The following FAM81A variants were observed in gnomAD, a reference collection of about 807,000 sequenced individuals.
FAM81A encodes family with sequence similarity 81 member A.
Under a neutral mutation model 46.7 loss-of-function variants are expected in FAM81A, and 19 were observed. That is an observed-to-expected ratio of 0.41 (90% CI 0.28 to 0.60). The LOEUF (loss-of-function observed/expected upper bound fraction) is 0.60. FAM81A is among the 20% of genes least tolerant of loss of function. The probability of loss-of-function intolerance (pLI) is 0.34; values close to 1 mark genes in which losing one functional copy is unlikely to be tolerated. For synonymous variants in FAM81A, 183 were observed against 152.9 expected (o/e 1.20, Z -1.45); for missense variants, 377 against 453.5 (o/e 0.83, Z 1.53).
Position 59,469,678 on chromosome 15 carries a change from G to C in FAM81A, c.294+9472G>C, listed in dbSNP as rs535593561. On this transcript the variant is annotated intron_variant, in intron 3 of 8. Coordinates refer to ENST00000288228, the MANE Select transcript of FAM81A (RefSeq NM_152450.3). The stretch of plus-strand genomic sequence containing the variant: ...TCTTGACTCTTTATCCAATTTGCCA[G>C]TCTGTGTCTTTTAATTGGGGCATTT... 2.0e-5 allele frequency among the ~76,000 whole-genome samples: 3 copies of C among 152,168 alleles called. No individual in the cohort carries two copies. In the South Asian group the frequency reaches 6.2e-4, roughly 32 times the overall value.
intron 3 of FAM81A, among the ~76,000 whole-genome samples, chr15:59,481,408 ATAAAAG>A (rs1191281124): frequency 6.6e-6 from 1 of 152,022 alleles, no homozygotes; most frequent in African/African-American, 2.4e-5. Flanking sequence ...TTTTCTGGCT[ATAAAAG>A]TAATGTATGT....
In FAM81A at chr15:59,421,235, T is replaced by C. The variant is rs546302776; in HGVS notation, c.-78+18877T>C. Among the ~76,000 whole-genome samples, 3 of 152,296 alleles carry C rather than the reference T, an allele frequency of 2.0e-5. No homozygotes were observed. In the South Asian group the frequency reaches 6.2e-4, roughly 32 times the overall value. ...GCATAGATCACACTTCGACGGGCAA[T>C]GTTCTAGGTAGAATTGGAGCTCAGT... On this transcript the variant is annotated intron_variant, in intron 2 of 4. Coordinates refer to the FAM81A transcript ENST00000558348.
intron 5 of FAM81A, among the ~76,000 whole-genome samples, chr15:59,508,018 T>C (rs1232465323): frequency 6.6e-6 from 1 of 152,234 alleles, no homozygotes; most frequent in African/African-American, 2.4e-5. Context: ...CTGGATTAAA[T>C]ACATTTATAC....
chr15:59,433,666 T>C (rs907286913), upstream of FAM81A, among the ~76,000 whole-genome samples: 14 of 152,298 alleles, frequency 9.2e-5, no homozygotes, highest in Admixed American at 6.5e-4. Flanking sequence ...AAAAGGAATT[T>C]TCTTAATTCT....
chr15:59,521,438 C>T lies in FAM81A; in HGVS notation c.*60C>T. The T allele has an allele frequency of 6.6e-7, 1 of 1,523,628 alleles. No homozygotes were observed. The highest frequency in any genetic ancestry group is 1.2e-5 in the South Asian group (1 of 80,478). 94.4% of individuals were successfully genotyped at this position (1,523,628 alleles called of 1,614,324 possible). On this transcript the variant is annotated 3_prime_UTR_variant, in exon 9 of 9. Coordinates refer to ENST00000288228, the MANE Select transcript of FAM81A (RefSeq NM_152450.3). ...GCCAGTGGGGCTAGGAGCCGGATAC[C>T]TCTGTAGCCAGGCCATCGCTGCATT... is the stretch of plus-strand genomic sequence containing the variant.
chr15:59,402,846 G>A (rs560526544), intron 2 of FAM81A, among the ~76,000 whole-genome samples: 17 of 152,190 alleles, frequency 1.1e-4, no homozygotes, highest in East Asian at 1.9e-4. Flanking sequence ...GAGCCACCAC[G>A]CCCGGCCTCT....
chr15:59,440,548 G>T (rs367549729), intron 1 of FAM81A, among the ~76,000 whole-genome samples: 1 of 152,156 alleles, frequency 6.6e-6, no homozygotes, highest in Non-Finnish European at 1.5e-5. Context: ...TGACCTTGAA[G>T]TTCCTCAACA....
chr15:59,405,556 G>A (rs1328486293), intron 2 of FAM81A, among the ~76,000 whole-genome samples: 2 of 152,048 alleles, frequency 1.3e-5, no homozygotes, highest in African/African-American at 4.8e-5. Flanking sequence ...GGGGAGGATC[G>A]CTTGAACCCT....
intron 4 of FAM81A, among the ~76,000 whole-genome samples, chr15:59,501,340 A>T (rs1378708187): frequency 7.9e-5 from 12 of 152,230 alleles, no homozygotes; most frequent in African/African-American, 2.9e-4. Flanking sequence ...ATCACACCCA[A>T]ATCTTAGGCT....
At chr15:59,430,587 A>C (rs2081215718) in intron 2 of FAM81A, among the ~76,000 whole-genome samples, 1 of 152,010 alleles carries the variant, frequency 6.6e-6, no homozygotes. Context: ...TTTGGTACCT[A>C]ATTTGGTTCA....
At chr15:59,458,370 TTTC>T (rs371647955) in intron 1 of FAM81A, among the ~76,000 whole-genome samples, 177 bp from the exon 2 acceptor site, 65 of 152,258 alleles carry the variant, frequency 4.3e-4, no homozygotes, top group Middle Eastern at 3.4e-3. Flanking sequence ...CTTGATTGCT[TTTC>T]TTCTTATTTG....
chr15:59,502,545 G>A (rs897220078), intron 4 of FAM81A, among the ~76,000 whole-genome samples: 25 of 137,976 alleles, frequency 1.8e-4, no homozygotes, highest in Non-Finnish European at 3.6e-4. Flanking sequence ...ACAGAGTTTC[G>A]CTCTGTTGCC....
intron 1 of FAM81A, among the ~76,000 whole-genome samples, chr15:59,440,753 A>G (rs1282855036): frequency 1.3e-5 from 2 of 152,148 alleles, no homozygotes; most frequent in Non-Finnish European, 1.5e-5. Flanking sequence ...CCAATCCTTC[A>G]GCCCCTCTGT....
At chr15:59,452,253 C>G (rs1313951132) in intron 1 of FAM81A, among the ~76,000 whole-genome samples, 4 of 152,190 alleles carry the variant, frequency 2.6e-5, no homozygotes, top group African/African-American at 9.7e-5. Context: ...CTGAACTGAT[C>G]CATGATTATA....
At chr15:59,497,377 C>T (rs546644899) in intron 4 of FAM81A, among the ~76,000 whole-genome samples, 3 of 146,848 alleles carry the variant, frequency 2.0e-5, no homozygotes, top group Admixed American at 1.4e-4. Context: ...ACCTGAGAGG[C>T]GGAGGCTGCA....
At chr15:59,421,708 TA>T (rs1555425993) in intron 2 of FAM81A, among the ~76,000 whole-genome samples, 1 of 99,534 alleles carries the variant, frequency 1.0e-5, no homozygotes. Flanking sequence ...ACCCTTAAAC[TA>T]TCTATCTGTC....
At chr15:59,496,790 A>G (rs538297027) in intron 4 of FAM81A, among the ~76,000 whole-genome samples, 119 of 152,032 alleles carry the variant, frequency 7.8e-4, no homozygotes, top group Middle Eastern at 3.4e-3. Context: ...TTTTTTTTCA[A>G]GATTGTGTTA....
intron 2 of FAM81A, among the ~76,000 whole-genome samples, chr15:59,423,540 C>T (rs1391903339): frequency 6.6e-6 from 1 of 152,176 alleles, no homozygotes; most frequent in African/African-American, 2.4e-5. Context: ...GACTTGACCT[C>T]TAAATCACAG....
At chr15:59,468,353 T>A (rs2141669550) in intron 3 of FAM81A, among the ~76,000 whole-genome samples, 1 of 152,316 alleles carries the variant, frequency 6.6e-6, no homozygotes, top group East Asian at 1.9e-4. Flanking sequence ...TTTTTTTGAC[T>A]GGTGGCCTAT....
Sources: gnomAD v4.1 joint callset for allele counts (sites outside exome capture counted in the v4.1 genomes callset) on GRCh38, gnomAD v4.1.1 for gene constraint, MANE v1.5 for transcripts, NCBI Gene and HGNC (gene_info 2026-07-23, HGNC 2026-07-21) for gene names.